The following KCNIP4 variants were observed in gnomAD, a reference collection of about 807,000 sequenced individuals.
KCNIP4 encodes the protein potassium voltage-gated channel interacting protein 4.
In KCNIP4, 12 loss-of-function variants were observed where a neutral mutation model predicts 34.0. That is an observed-to-expected ratio of 0.35 (90% CI 0.23 to 0.57). The LOEUF (loss-of-function observed/expected upper bound fraction) is 0.57. Among genes scored for constraint, KCNIP4 ranks in the 20% least tolerant of loss-of-function variants. KCNIP4 has a pLI of 0.83. For missense variants in KCNIP4, 238 were observed against 311.7 expected (o/e 0.76, Z 1.78); for synonymous variants, 124 against 102.2 (o/e 1.21, Z -1.29).
At chr4:21,709,627 A>G (rs1161390778) in intron 1 of KCNIP4, among the ~76,000 whole-genome samples, 1 of 151,866 alleles carries the variant, frequency 6.6e-6, no homozygotes, top group African/African-American at 2.4e-5. Flanking sequence ...AAGATCATCA[A>G]CAAAAAAAAC....
intron 1 of KCNIP4, among the ~76,000 whole-genome samples, chr4:21,618,036 A>C (rs1744721757): frequency 6.6e-6 from 1 of 152,206 alleles, no homozygotes; most frequent in Admixed American, 6.5e-5. Flanking sequence ...GAATTATCTA[A>C]ATTGTAATAG....
chr4:21,236,002 A>G (rs2109035379), intron 1 of KCNIP4, among the ~76,000 whole-genome samples: 1 of 152,288 alleles, frequency 6.6e-6, no homozygotes, highest in East Asian at 1.9e-4. Context: ...CTTAATAAAA[A>G]TAAATGGCCT....
At chr4:21,329,679 G>A (rs528526239) in intron 1 of KCNIP4, among the ~76,000 whole-genome samples, 69 of 152,214 alleles carry the variant, frequency 4.5e-4, no homozygotes, top group African/African-American at 1.4e-3. Flanking sequence ...CAAAGGAGGC[G>A]AGACTCACAT....
At chr4:21,336,654 G>A (rs1716210016) in intron 1 of KCNIP4, among the ~76,000 whole-genome samples, 1 of 151,964 alleles carries the variant, frequency 6.6e-6, no homozygotes, top group African/African-American at 2.4e-5. Flanking sequence ...TATAGTGGCA[G>A]TACTACTGAA....
chr4:20,845,781 T>C (rs937511171), intron 3 of KCNIP4, among the ~76,000 whole-genome samples: 2 of 152,096 alleles, frequency 1.3e-5, no homozygotes, highest in Non-Finnish European at 2.9e-5. Flanking sequence ...TGCGTGGCCC[T>C]ACATTGACAG....
intron 3 of KCNIP4, among the ~76,000 whole-genome samples, chr4:20,819,428 C>T (rs904368236): frequency 2.0e-5 from 3 of 152,012 alleles, no homozygotes; most frequent in Non-Finnish European, 4.4e-5. Context: ...GGCACTATGG[C>T]ATAAGAGAGA....
intron 1 of KCNIP4, among the ~76,000 whole-genome samples, chr4:20,981,647 G>A (rs778522608): frequency 9.9e-5 from 15 of 152,100 alleles, no homozygotes; most frequent in Non-Finnish European, 1.8e-4. Context: ...AATAAGAGTT[G>A]GCCCAAACTA....
intron 1 of KCNIP4, among the ~76,000 whole-genome samples, chr4:21,099,239 C>A (rs1417970693): frequency 6.6e-6 from 1 of 152,104 alleles, no homozygotes; most frequent in East Asian, 1.9e-4. Flanking sequence ...CAATGATAGA[C>A]TGAATAAAGA....
intron 1 of KCNIP4, among the ~76,000 whole-genome samples, chr4:21,739,080 A>G (rs1049726936): frequency 2.0e-5 from 3 of 152,130 alleles, no homozygotes; most frequent in African/African-American, 7.2e-5. Context: ...TGGCCACTAC[A>G]TTTTGCTGAG....
At chr4:21,864,286 A>C (rs1329126766) in intron 1 of KCNIP4, among the ~76,000 whole-genome samples, 1 of 152,252 alleles carries the variant, frequency 6.6e-6, no homozygotes, top group Admixed American at 6.5e-5. Flanking sequence ...TTTATAAGCA[A>C]GGGAAACACA....
At chr4:20,786,225 A>G (rs1035753709) in intron 3 of KCNIP4, among the ~76,000 whole-genome samples, 3 of 152,184 alleles carry the variant, frequency 2.0e-5, no homozygotes, top group African/African-American at 7.2e-5. Context: ...GTACTCACTT[A>G]TACATGAGAG....
intron 1 of KCNIP4, among the ~76,000 whole-genome samples, chr4:21,568,276 G>A (rs1740077396): frequency 6.6e-6 from 1 of 152,020 alleles, no homozygotes; most frequent in South Asian, 2.1e-4. Context: ...GTTATGATGA[G>A]GTCATAGTGG....
intron 1 of KCNIP4, among the ~76,000 whole-genome samples, chr4:21,416,867 A>G (rs1724992275): frequency 6.6e-6 from 1 of 152,326 alleles, no homozygotes; most frequent in Non-Finnish European, 1.5e-5. Context: ...CAGACAGAAG[A>G]CAGAATCACA....
intron 1 of KCNIP4, among the ~76,000 whole-genome samples, chr4:21,719,609 T>C (rs1000935390): frequency 3.9e-5 from 6 of 152,132 alleles, no homozygotes; most frequent in Non-Finnish European, 7.3e-5. Context: ...TAGAGTCTAG[T>C]ACTGAACCAT....
intron 1 of KCNIP4, among the ~76,000 whole-genome samples, chr4:21,427,163 A>G (rs1262442484): frequency 6.6e-6 from 1 of 152,146 alleles, no homozygotes; most frequent in Admixed American, 6.5e-5. Flanking sequence ...ATGTTATGCT[A>G]GGAAATGGGT....
At chr4:21,805,122 T>C (rs1243876421) in intron 1 of KCNIP4, among the ~76,000 whole-genome samples, 2 of 152,300 alleles carry the variant, frequency 1.3e-5, no homozygotes, top group East Asian at 3.9e-4. Context: ...GTGGTAATGG[T>C]TGCACTACTC....
chr4:21,580,509 T>C (rs1304018649), intron 1 of KCNIP4, among the ~76,000 whole-genome samples: 1 of 152,128 alleles, frequency 6.6e-6, no homozygotes, highest in African/African-American at 2.4e-5. Context: ...AAAATATTTT[T>C]AAAAGTATAC....
chr4:20,814,920 G>T (rs971600759), intron 3 of KCNIP4, among the ~76,000 whole-genome samples: 1 of 152,142 alleles, frequency 6.6e-6, no homozygotes, highest in Admixed American at 6.6e-5. Flanking sequence ...TTTGGATCCT[G>T]CTGTCTACTG....
intron 1 of KCNIP4, among the ~76,000 whole-genome samples, chr4:21,037,848 T>C (rs1404740101): frequency 6.6e-6 from 1 of 152,188 alleles, no homozygotes; most frequent in African/African-American, 2.4e-5. Flanking sequence ...TGACCTCAAA[T>C]GAAGAGAATT....
Sources: gnomAD v4.1 joint callset for allele counts (sites outside exome capture counted in the v4.1 genomes callset) on GRCh38, gnomAD v4.1.1 for gene constraint, MANE v1.5 for transcripts, NCBI Gene and HGNC (gene_info 2026-07-23, HGNC 2026-07-21) for gene names.